The following MAP2K2 variants were observed in gnomAD, a reference collection of about 807,000 sequenced individuals.
MAP2K2 encodes dual specificity mitogen-activated protein kinase kinase 2.
Under a neutral mutation model 43.7 loss-of-function variants are expected in MAP2K2, and 24 were observed. The observed-to-expected ratio is 0.55, with a 90% CI of 0.40 to 0.77. MAP2K2 has a LOEUF of 0.77. Among genes scored for constraint, MAP2K2 ranks in the 30% least tolerant of loss-of-function variants. The pLI is 0.00. For synonymous variants in MAP2K2, 244 were observed against 239.7 expected (o/e 1.02, Z -0.17); for missense variants, 470 against 566.8 (o/e 0.83, Z 1.73).
intron 3 of MAP2K2, among the ~76,000 whole-genome samples, chr19:4,108,326 T>C (rs1440543809): frequency 1.3e-5 from 2 of 152,054 alleles, no homozygotes; most frequent in East Asian, 1.9e-4. Flanking sequence ...CTGAAAGCTC[T>C]GCCTCCAGGG....
chr19:4,111,386 A>C (rs2041152173), intron 2 of MAP2K2, among the ~76,000 whole-genome samples: 1 of 152,174 alleles, frequency 6.6e-6, no homozygotes, highest in South Asian at 2.1e-4. Flanking sequence ...TTTCCCCATC[A>C]AATCAGACTT....
chr19:4,090,887 G>A (rs879646127), intron 10 of MAP2K2, among the ~76,000 whole-genome samples, 179 bp from the exon 11 acceptor site: 1 of 152,226 alleles, frequency 6.6e-6, no homozygotes, highest in Non-Finnish European at 1.5e-5. Flanking sequence ...CCAGAAAGGG[G>A]CAGCGGCGTG....
chr19:4,098,839 G>T (rs2040958500), intron 7 of MAP2K2, among the ~76,000 whole-genome samples: 1 of 152,394 alleles, frequency 6.6e-6, no homozygotes, highest in Non-Finnish European at 1.5e-5. Flanking sequence ...GTCACCTGCA[G>T]AATGCAGGCT....
At chr19:4,102,763 A>G in intron 3 of MAP2K2, 1 of 1,283,722 alleles carries the variant, frequency 7.8e-7, no homozygotes, top group Non-Finnish European at 1.0e-6. Flanking sequence ...GGGCCAGCCC[A>G]AGCCGCGGCC....
chr19:4,104,033 G>A (rs2041052029), intron 3 of MAP2K2, among the ~76,000 whole-genome samples: 1 of 152,180 alleles, frequency 6.6e-6, no homozygotes, highest in African/African-American at 2.4e-5. Context: ...GGAGGCTGAG[G>A]CAGGCGGATC....
chr19:4,112,330 G>A (rs2041164286), intron 2 of MAP2K2, among the ~76,000 whole-genome samples: 1 of 152,210 alleles, frequency 6.6e-6, no homozygotes, highest in African/African-American at 2.4e-5. Context: ...AGGTGCCTGG[G>A]GAGCAGCAAC....
intron 8 of MAP2K2, among the ~76,000 whole-genome samples, chr19:4,096,985 A>G (rs1171017300): frequency 6.6e-6 from 1 of 150,974 alleles, no homozygotes; most frequent in Non-Finnish European, 1.5e-5. Flanking sequence ...GGTTGCAGTG[A>G]GCTGAGATCA....
At chr19:4,107,471 C>T (rs565156361) in intron 3 of MAP2K2, among the ~76,000 whole-genome samples, 364 of 145,522 alleles carry the variant, frequency 2.5e-3, no homozygotes, top group Non-Finnish European at 4.0e-3. Flanking sequence ...TTGCAGTGAG[C>T]CAAGATTGTG....
At position 4,107,961 on chromosome 19, in the gene MAP2K2, C is replaced by T. The variant is rs116666462; in HGVS notation, c.450+2548G>A. Among the ~76,000 whole-genome samples, 1,083 of 152,232 alleles carry T rather than the reference C, an allele frequency of 7.1e-3. 12 individuals carry two copies. The highest frequency in any genetic ancestry group is 0.024 in the African/African-American group (987 of 41,526). On this transcript the variant is annotated intron_variant, in intron 3 of 10. Coordinates refer to ENST00000262948, the MANE Select transcript of MAP2K2 (RefSeq NM_030662.4). ...CCGTGGTAAGGGTGAGCGGTGGGGCCGAGACCTGACCCGGACGCCCATCCT... is the reference window on the plus strand; with the variant it reads ...CCGTGGTAAGGGTGAGCGGTGGGGCTGAGACCTGACCCGGACGCCCATCCT...
At chr19:4,104,394 C>T (rs1052960040) in intron 3 of MAP2K2, among the ~76,000 whole-genome samples, 1 of 147,600 alleles carries the variant, frequency 6.8e-6, no homozygotes, top group African/African-American at 2.5e-5. Context: ...AGTGAGACCC[C>T]ATACCAAAAT....
At chr19:4,099,518 T>C in intron 6 of MAP2K2, 104 bp from the exon 7 acceptor site, 2 of 903,744 alleles carry the variant, frequency 2.2e-6, no homozygotes, top group East Asian at 2.7e-5. Context: ...CCATGGCTAA[T>C]GACCGCAGCA....
intron 4 of MAP2K2, 51 bp downstream of exon 4, chr19:4,102,325 G>C (rs763332383): frequency 1.4e-6 from 2 of 1,461,488 alleles, no homozygotes; most frequent in South Asian, 2.4e-5. Context: ...GTGTGGAAGA[G>C]GTCCGTGCAG....
intron 10 of MAP2K2, among the ~76,000 whole-genome samples, chr19:4,093,327 G>A (rs1287910627): frequency 6.6e-6 from 1 of 152,164 alleles, no homozygotes; most frequent in African/African-American, 2.4e-5. Context: ...GAGCACGGGA[G>A]TTGGGGCTAC....
chr19:4,123,633 C>A lies in MAP2K2; in HGVS notation c.92+151G>T, dbSNP rs1218850723. ...CCCTGCCCTGTCCTCCCCTCGAGAA[C>A]CCCCTGCCCCGTGCACCACTCACCC... On this transcript the variant is annotated intron_variant, in intron 1 of 10. Transcript: ENST00000262948. 8 of 281,906 alleles carry A rather than the reference C, an allele frequency of 2.8e-5. No homozygotes were observed. In the East Asian group the frequency reaches 8.1e-4, roughly 29 times the overall value. The allele number at this position is 281,906 out of a possible 1,614,324, so 17.5% of individuals were successfully genotyped here.
intron 3 of MAP2K2, chr19:4,103,617 T>C (rs1003816101): frequency 2.6e-5 from 4 of 151,920 alleles, no homozygotes; most frequent in African/African-American, 9.7e-5. Context: ...CAGCCTTCCC[T>C]GGGATGGCTT....
rs6629 is a variant in MAP2K2, at chr19:4,090,574, G to C, written c.*24C>G. Reference sequence around the variant, plus strand: ...CAGGGACGGTGGGCAGGTCACCAGCGGGACGCAGGGAGCCCGGCCACTGTC... The same window carrying C: ...CAGGGACGGTGGGCAGGTCACCAGCCGGACGCAGGGAGCCCGGCCACTGTC... On this transcript the variant is annotated 3_prime_UTR_variant, in exon 11 of 11. Coordinates refer to ENST00000262948, the MANE Select transcript of MAP2K2 (RefSeq NM_030662.4). 550 of 1,531,116 alleles carry C rather than the reference G, an allele frequency of 3.6e-4. 1 individual carries two copies. The African/African-American group carries it at 6.9e-3, about 19-fold the overall frequency. 94.8% of individuals were successfully genotyped at this position (1,531,116 alleles called of 1,614,324 possible).
rs2041335017 is a variant in MAP2K2, at chr19:4,123,801, G to C, written c.75C>G (p.Thr25=). 1.3e-6 allele frequency: 2 copies of C among 1,564,174 alleles called. No homozygotes were observed. The highest frequency in any genetic ancestry group is 4.8e-5 in the East Asian group (2 of 41,332). The change falls in exon 1 of 11, where the codon ACC becomes ACG. Residue 25 remains threonine (T), a synonymous_variant. Transcript: ENST00000262948. ...NPTIAEGPSP[T]SEGASEANLV... is the part of the protein sequence containing the mutation. ...CCACTCACTCGGAGGCGCCCTCGCTGGTAGGGGATGGGCCCTCGGCGATGG... is the reference window on the plus strand; with the variant it reads ...CCACTCACTCGGAGGCGCCCTCGCTCGTAGGGGATGGGCCCTCGGCGATGG...
Position 4,090,357 on chromosome 19 carries a change from A to G in MAP2K2, c.*241T>C. 5.0e-6 allele frequency: 3 copies of G among 596,194 alleles called. No individual in the cohort carries two copies. Among genetic ancestry groups the G allele is most frequent in the Non-Finnish European group, 6.0e-6 (2 of 333,994 alleles). 36.9% of individuals were successfully genotyped at this position (596,194 alleles called of 1,614,324 possible). On this transcript the variant is annotated 3_prime_UTR_variant, in exon 11 of 11. Coordinates refer to ENST00000262948, the MANE Select transcript of MAP2K2 (RefSeq NM_030662.4). ...TCTCCCTGTTTTGTTTTGTAACCTAAGGAAGCAGAGCCTCTGAGACCACAC... is the reference window on the plus strand; with the variant it reads ...TCTCCCTGTTTTGTTTTGTAACCTAGGGAAGCAGAGCCTCTGAGACCACAC...
rs2145090106 is a variant in MAP2K2 at position 4,123,876 on chromosome 19, C to T, written c.-1G>A. 4 of 1,441,504 alleles carry T rather than the reference C, an allele frequency of 2.8e-6. No individual in the cohort carries two copies. The highest frequency in any genetic ancestry group is 1.5e-5 in the African/African-American group (1 of 68,594). 89.3% of individuals were successfully genotyped at this position (1,441,504 alleles called of 1,614,324 possible). The stretch of plus-strand genomic sequence containing the variant: ...GCACCGGCTTCCTCCGGGCCAGCAT[C>T]GGGGCTCCGCGGGCCGGCGGCGGCG... On this transcript the variant is annotated 5_prime_UTR_variant, in exon 1 of 11. Coordinates refer to ENST00000262948, the MANE Select transcript of MAP2K2 (RefSeq NM_030662.4).
Sources: allele counts gnomAD v4.1 joint callset (sites outside exome capture counted in the v4.1 genomes callset), GRCh38; gene constraint gnomAD v4.1.1; transcripts MANE v1.5; gene names NCBI Gene and HGNC (gene_info 2026-07-23, HGNC 2026-07-21).